The following SYNJ1 variants were observed in gnomAD, a reference collection of about 807,000 sequenced individuals.
SYNJ1 encodes the protein synaptojanin 1.
Under a neutral mutation model 168.2 loss-of-function variants are expected in SYNJ1, and 78 were observed. The ratio of observed to expected loss-of-function variants is 0.46; its 90% CI spans 0.39 to 0.56. SYNJ1 has a LOEUF of 0.56. SYNJ1 is among the 20% of genes least tolerant of loss of function. The probability of loss-of-function intolerance (pLI) is 0.00; values close to 1 mark genes in which losing one functional copy is unlikely to be tolerated. For synonymous variants in SYNJ1, 539 were observed against 548.6 expected, an observed-to-expected ratio of 0.98 and a Z score of 0.24; for missense variants, 1,303 against 1,597.6, an observed-to-expected ratio of 0.82 and a Z score of 3.14.
rs2040475797 is a variant in SYNJ1 at position 32,656,845 on chromosome 21, T to C, written c.2637A>G (p.Gln879=). The stretch of plus-strand genomic sequence containing the variant: ...CTGCAATTACTTCTTTATAAATGTT[T>C]TGCCTCTCTTCAGCTTCAACTTCAA... ...DIFEVEAEER[Q]NIYKEVIAVQ... Residue 879 remains glutamine (Q), a synonymous_variant, in exon 21 of 33, where the codon CAA becomes CAG. Transcript: ENST00000674351. The C allele has an allele frequency of 6.2e-7, 1 of 1,614,102 alleles. No homozygotes were observed. Among genetic ancestry groups the C allele is most frequent in the Non-Finnish European group, 8.5e-7 (1 of 1,180,040 alleles).
chr21:32,670,515 C>CT (rs1257598013), intron 14 of SYNJ1, 143 bp from the exon 15 acceptor site: 1 of 670,636 alleles, frequency 1.5e-6, no homozygotes, highest in African/African-American at 1.9e-5. Context: ...GGCAAACACT[C>CT]TTGAGTGGAA....
At chr21:32,673,616 C>T in intron 13 of SYNJ1, 85 bp from the exon 14 acceptor site, 3 of 1,166,610 alleles carry the variant, frequency 2.6e-6, no homozygotes, top group Non-Finnish European at 3.4e-6. Flanking sequence ...ACGATGTCCG[C>T]TGGAAAGCAC....
intron 2 of SYNJ1, among the ~76,000 whole-genome samples, chr21:32,716,052 C>T (rs536220798): frequency 2.0e-4 from 31 of 152,262 alleles, no homozygotes; most frequent in African/African-American, 6.5e-4. Context: ...TTTATAAACT[C>T]TATTTAAGCT....
chr21:32,696,314 G>C (rs745888596), intron 4 of SYNJ1, among the ~76,000 whole-genome samples: 1 of 152,144 alleles, frequency 6.6e-6, no homozygotes, highest in Non-Finnish European at 1.5e-5. Context: ...GATGTGGCCT[G>C]GTTTCCAAAC....
At chr21:32,671,136 C>T (rs1317952321) in intron 14 of SYNJ1, among the ~76,000 whole-genome samples, 1 of 151,714 alleles carries the variant, frequency 6.6e-6, no homozygotes, top group Non-Finnish European at 1.5e-5. Context: ...TAGTGAGACC[C>T]CCATCACTAC....
chr21:32,647,429 T>C (rs2040116400), intron 23 of SYNJ1, among the ~76,000 whole-genome samples: 1 of 152,110 alleles, frequency 6.6e-6, no homozygotes, highest in Non-Finnish European at 1.5e-5. Flanking sequence ...CTTGGTCCTA[T>C]CCTTATGGAC....
At chr21:32,662,512 A>T (rs1158001527) in intron 18 of SYNJ1, among the ~76,000 whole-genome samples, 1 of 152,212 alleles carries the variant, frequency 6.6e-6, no homozygotes. Context: ...CCAGGTCCAC[A>T]GTTTTTGAAG....
chr21:32,645,708 G>T lies in SYNJ1; in HGVS notation c.3329C>A (p.Pro1110Gln). The T allele has an allele frequency of 6.8e-7, 1 of 1,477,156 alleles. No individual in the cohort carries two copies. The highest frequency in any genetic ancestry group is 9.0e-7 in the Non-Finnish European group (1 of 1,116,346). The allele number at this position is 1,477,156 out of a possible 1,614,324, so 91.5% of individuals were successfully genotyped here. The change falls in exon 25 of 33, where the codon CCG (proline) becomes CAG (glutamine). Residue 1110 changes from proline (P) to glutamine (Q), a missense_variant. By Grantham distance (76) the Pro-to-Gln change is moderately conservative. Coordinates refer to ENST00000674351, the MANE Select transcript of SYNJ1 (RefSeq NM_203446.3). ...AQPLEPKRPP[P>Q]PRPVAPPTRP... ...TGTGGGAGGGGCGACCGGGCGGGGC[G>T]GCGGCGGCCGCTTGGGCTCCAAGGG...
At chr21:32,686,093 T>C (rs2041829669) in intron 8 of SYNJ1, among the ~76,000 whole-genome samples, 176 bp from the exon 9 acceptor site, 1 of 152,234 alleles carries the variant, frequency 6.6e-6, no homozygotes, top group South Asian at 2.1e-4. Flanking sequence ...AATATTCTCA[T>C]CTGGCTTAGG....
intron 31 of SYNJ1, among the ~76,000 whole-genome samples, chr21:32,636,281 A>G (rs550555360): frequency 1.1e-3 from 170 of 152,344 alleles, no homozygotes; most frequent in African/African-American, 4.1e-3. Context: ...AAGATGCTAG[A>G]AGTCAGATAG....
chr21:32,670,710 G>A (rs1416352525), intron 14 of SYNJ1: 5 of 798,398 alleles, frequency 6.3e-6, no homozygotes, highest in Non-Finnish European at 7.6e-6. Flanking sequence ...ACTGGAGAGA[G>A]AAATTATTCA....
At chr21:32,645,492 G>T (rs890700922) in intron 25 of SYNJ1, among the ~76,000 whole-genome samples, 154 bp downstream of exon 25, 2 of 152,288 alleles carry the variant, frequency 1.3e-5, no homozygotes, top group East Asian at 1.9e-4. Context: ...TGTCTGTTGC[G>T]CCTACCATGT....
At chr21:32,724,437 G>A (rs545058145) in intron 2 of SYNJ1, among the ~76,000 whole-genome samples, 2 of 152,236 alleles carry the variant, frequency 1.3e-5, no homozygotes, top group Admixed American at 6.5e-5. Flanking sequence ...GCAGTGAGCC[G>A]AGATCATGCC....
chr21:32,709,907 A>G (rs987941079), intron 2 of SYNJ1, among the ~76,000 whole-genome samples: 14 of 151,734 alleles, frequency 9.2e-5, no homozygotes, highest in African/African-American at 3.1e-4. Flanking sequence ...TGTGAAAGAA[A>G]TGGAAATCAG....
At chr21:32,712,672 T>C (rs185672410) in intron 2 of SYNJ1, among the ~76,000 whole-genome samples, 12 of 152,280 alleles carry the variant, frequency 7.9e-5, no homozygotes, top group Admixed American at 7.2e-4. Flanking sequence ...GGAATCAGAT[T>C]AGGAAGACAG....
intron 5 of SYNJ1, among the ~76,000 whole-genome samples, chr21:32,694,579 T>A (rs1287513944): frequency 6.6e-6 from 1 of 152,174 alleles, no homozygotes; most frequent in Admixed American, 6.5e-5. Flanking sequence ...TACATACATA[T>A]CTTTATATTT....
At chr21:32,638,866 T>C (rs1254633907) in intron 31 of SYNJ1, 42 bp downstream of exon 31, 3 of 1,527,636 alleles carry the variant, frequency 2.0e-6, no homozygotes, top group African/African-American at 2.8e-5. Context: ...GACTAAATCA[T>C]ATGCATCAAA....
chr21:32,658,289 C>G (rs2040541441), intron 18 of SYNJ1, among the ~76,000 whole-genome samples: 1 of 152,166 alleles, frequency 6.6e-6, no homozygotes, highest in South Asian at 2.1e-4. Context: ...GGAGAGGCAG[C>G]TGGATGTCAG....
intron 15 of SYNJ1, among the ~76,000 whole-genome samples, chr21:32,668,646 TA>T (rs1323957469): frequency 1.3e-5 from 2 of 152,220 alleles, no homozygotes; most frequent in Non-Finnish European, 2.9e-5. Flanking sequence ...TAAAAATCTT[TA>T]AAAATGTCAT....
Sources: gnomAD v4.1 joint callset for allele counts (sites outside exome capture counted in the v4.1 genomes callset) on GRCh38, gnomAD v4.1.1 for gene constraint, MANE v1.5 for transcripts, NCBI Gene and HGNC (gene_info 2026-07-23, HGNC 2026-07-21) for gene names.